Variants in SPIRE1 observed in about 807,000 individuals in gnomAD.
SPIRE1 encodes spire type actin nucleation factor 1.
In SPIRE1, 40 loss-of-function variants were observed where a neutral mutation model predicts 94.1. That is an observed-to-expected ratio of 0.43 (90% CI 0.33 to 0.55). The LOEUF is 0.55. Ranked by LOEUF, SPIRE1 falls within the 20% of genes least tolerant of loss-of-function variation. The pLI, the probability that SPIRE1 is intolerant of heterozygous loss-of-function variation, is 0.06. For missense variants in SPIRE1, 838 were observed against 975.2 expected (o/e 0.86, Z 1.87); for synonymous variants, 376 against 371.7 (o/e 1.01, Z -0.13).
At chr18:12,478,313 G>T (rs1294528821) in intron 10 of SPIRE1, among the ~76,000 whole-genome samples, 1 of 151,848 alleles carries the variant, frequency 6.6e-6, no homozygotes, top group Non-Finnish European at 1.5e-5. Context: ...GTGTATGTGT[G>T]TGTAGCTAGG....
At chr18:12,599,604 T>C (rs1402181103) in intron 2 of SPIRE1, among the ~76,000 whole-genome samples, 2 of 152,206 alleles carry the variant, frequency 1.3e-5, no homozygotes, top group African/African-American at 4.8e-5. Context: ...AGCCTTTGTC[T>C]TTCATTACAA....
chr18:12,624,498 G>A (rs1408013584), intron 2 of SPIRE1, among the ~76,000 whole-genome samples: 3 of 140,196 alleles, frequency 2.1e-5, no homozygotes, highest in Non-Finnish European at 4.6e-5. Flanking sequence ...AGCCGAGATC[G>A]TACCACTACA....
At chr18:12,567,631 C>T (rs184880049) in intron 2 of SPIRE1, among the ~76,000 whole-genome samples, 22 of 152,232 alleles carry the variant, frequency 1.4e-4, no homozygotes, top group African/African-American at 5.1e-4. Flanking sequence ...TATGCAGTTA[C>T]ACTGGTAAAA....
chr18:12,480,950 G>A (rs1241869568), intron 9 of SPIRE1, among the ~76,000 whole-genome samples: 3 of 152,178 alleles, frequency 2.0e-5, no homozygotes, highest in Non-Finnish European at 4.4e-5. Flanking sequence ...CGTAGATGGG[G>A]CAAAGGGCAT....
At chr18:12,594,719 G>C (rs893824049) in intron 2 of SPIRE1, among the ~76,000 whole-genome samples, 1 of 152,116 alleles carries the variant, frequency 6.6e-6, no homozygotes, top group Non-Finnish European at 1.5e-5. Flanking sequence ...CAACACGTTT[G>C]AAGTGCATGG....
chr18:12,453,244 A>C, intron 13 of SPIRE1, 106 bp from the exon 14 acceptor site: 3 of 664,534 alleles, frequency 4.5e-6, no homozygotes, highest in Non-Finnish European at 7.6e-6. Flanking sequence ...AGCTGAACAG[A>C]CAAGAGGAGG....
intron 2 of SPIRE1, among the ~76,000 whole-genome samples, chr18:12,613,324 C>A (rs903118743): frequency 3.9e-5 from 6 of 152,206 alleles, no homozygotes; most frequent in African/African-American, 1.4e-4. Flanking sequence ...TATTCATCTA[C>A]TCTGACTAGC....
At chr18:12,451,117 T>C (rs1215013210) in intron 16 of SPIRE1, 2 of 339,820 alleles carry the variant, frequency 5.9e-6, no homozygotes, top group East Asian at 6.1e-5. Context: ...ACCACCCTTC[T>C]AGAATTCTTG....
intron 8 of SPIRE1, among the ~76,000 whole-genome samples, chr18:12,489,939 T>C (rs16977229): frequency 0.17 from 26,241 of 152,154 alleles, 2,503 homozygotes; most frequent in African/African-American, 0.25. Flanking sequence ...CAATTACATG[T>C]AGGGGAAAGT....
chr18:12,539,508 T>C lies in SPIRE1; in HGVS notation c.604-3907A>G, dbSNP rs1235587539. 2.6e-5 allele frequency among the ~76,000 whole-genome samples: 4 copies of C among 151,994 alleles called. No individual in the cohort carries two copies. The East Asian group carries it at 7.7e-4, about 29-fold the overall frequency. ...AGTATGAAAAAGGACTAATACAGTA[T>C]TGAACAAGTCAACATCCCGTTCCTC... On this transcript the variant is annotated intron_variant, in intron 3 of 16. Coordinates refer to ENST00000409402, the MANE Select transcript of SPIRE1 (RefSeq NM_001128626.2).
At chr18:12,548,593 T>C (rs1352075990) in intron 2 of SPIRE1, among the ~76,000 whole-genome samples, 2 of 145,624 alleles carry the variant, frequency 1.4e-5, no homozygotes, top group African/African-American at 2.5e-5. Context: ...ACTGTAGCCA[T>C]TCTTTTCTTT....
intron 12 of SPIRE1, 23 bp downstream of exon 12, chr18:12,463,323 GTTACT>G: frequency 6.4e-7 from 1 of 1,572,732 alleles, no homozygotes; most frequent in Non-Finnish European, 8.6e-7. Flanking sequence ...TGGTCCCTAA[GTTACT>G]ACAAAGTCTT....
intron 2 of SPIRE1, among the ~76,000 whole-genome samples, chr18:12,572,847 T>C (rs1279695822): frequency 6.6e-6 from 1 of 152,060 alleles, no homozygotes; most frequent in Non-Finnish European, 1.5e-5. Context: ...AAAATATGAA[T>C]CTAGACATGG....
rs2033838311 is a variant in SPIRE1, at chr18:12,506,495, G to A, written c.954C>T (p.Tyr318=). Residue 318 remains tyrosine, a synonymous_variant, in exon 6 of 17, where the codon TAC becomes TAT. Coordinates refer to ENST00000409402, the MANE Select transcript of SPIRE1 (RefSeq NM_001128626.2). ...TACTTACCATCACTTTTCGCAAGGTGTATCTTTTGCAGCGAATGTCATCCA... is the reference window on the plus strand; with the variant it reads ...TACTTACCATCACTTTTCGCAAGGTATATCTTTTGCAGCGAATGTCATCCA... ...MLMDDIRCKR[Y]TLRKVMVNGD... 1 of 1,613,842 alleles carries A rather than the reference G, an allele frequency of 6.2e-7. No homozygotes were observed. The highest frequency in any genetic ancestry group is 1.3e-5 in the African/African-American group (1 of 74,888).
Position 12,493,078 on chromosome 18 carries a change from T to C in SPIRE1, c.1183A>G (p.Arg395Gly). The C allele has an allele frequency of 1.2e-6, 2 of 1,610,576 alleles. No individual in the cohort carries two copies. Among genetic ancestry groups the C allele is most frequent in the Non-Finnish European group, 1.7e-6 (2 of 1,179,238 alleles). Residue 395 changes from arginine to glycine, a missense_variant, in exon 8 of 17, where the codon AGA becomes GGA. Arg to Gly is a moderately radical substitution (Grantham distance 125). Coordinates refer to ENST00000409402, the MANE Select transcript of SPIRE1 (RefSeq NM_001128626.2). ...PVSPEEIRRS[R>G]LAMRPLSMSY... The stretch of plus-strand genomic sequence containing the variant: ...CAGGAAGCAGTGGACTCACCTAATC[T>C]GCTACGTCTAATCTCCTCTGGTGAT...
At chr18:12,455,911 T>C (rs549348150) in intron 12 of SPIRE1, among the ~76,000 whole-genome samples, 2 of 152,166 alleles carry the variant, frequency 1.3e-5, no homozygotes, top group African/African-American at 4.8e-5. Context: ...AAAACAAAAA[T>C]CAATCTAGGT....
Position 12,559,197 on chromosome 18 carries a change from G to A in SPIRE1, c.373-12293C>T, listed in dbSNP as rs1042103752. ...ACGGGGTGGGGTGGGGTGGGGGGGC[G>A]CCGGCATGGCAGGCTGCAGGTCCCG... On this transcript the variant is annotated intron_variant, in intron 2 of 16. Coordinates refer to ENST00000409402, the MANE Select transcript of SPIRE1 (RefSeq NM_001128626.2). This position sits in a 1 kb window ranked among gnomAD's most constrained non-coding sequence, Gnocchi z 4.7. Among the ~76,000 whole-genome samples, 109 of 152,098 alleles carry A rather than the reference G, an allele frequency of 7.2e-4. No individual in the cohort carries two copies. Among genetic ancestry groups the A allele is most frequent in the Non-Finnish European group, 1.3e-3 (85 of 67,942 alleles).
At chr18:12,460,737 TA>T (rs1417858032) in intron 12 of SPIRE1, among the ~76,000 whole-genome samples, 1 of 151,390 alleles carries the variant, frequency 6.6e-6, no homozygotes, top group Non-Finnish European at 1.5e-5. Context: ...TTATCAACAA[TA>T]AAAACATTCC....
chr18:12,505,506 T>A (rs558380099), intron 6 of SPIRE1, among the ~76,000 whole-genome samples: 1 of 150,248 alleles, frequency 6.7e-6, no homozygotes, highest in South Asian at 2.1e-4. Context: ...AGAGCTGTGA[T>A]CATGCCATTG....
Sources: allele counts gnomAD v4.1 joint callset (sites outside exome capture counted in the v4.1 genomes callset), GRCh38; gene constraint gnomAD v4.1.1; non-coding constraint Gnocchi (gnomAD v3.1); transcripts MANE v1.5; gene names NCBI Gene and HGNC (gene_info 2026-07-23, HGNC 2026-07-21).